Variants in CDKL1 observed in about 807,000 individuals in gnomAD.
The protein encoded by CDKL1 is cyclin-dependent kinase-like 1.
In CDKL1, 41 loss-of-function variants were observed where a neutral mutation model predicts 42.0. The ratio of observed to expected loss-of-function variants is 0.98; its 90% CI spans 0.76 to 1.27. CDKL1 has a LOEUF of 1.27. Ranked by LOEUF, CDKL1 falls within the 50% of genes most tolerant of loss-of-function variation. The pLI, the probability that CDKL1 is intolerant of heterozygous loss-of-function variation, is 0.00. For missense variants in CDKL1, 394 were observed against 428.4 expected (o/e 0.92, Z 0.71); for synonymous variants, 153 against 158.6 (o/e 0.96, Z 0.26).
In CDKL1 at chr14:50,332,244, A is replaced by G; in HGVS notation, c.966+18T>C. The G allele has an allele frequency of 6.2e-7, 1 of 1,614,154 alleles. No individual in the cohort carries two copies. Among genetic ancestry groups the G allele is most frequent in the African/African-American group, 1.3e-5 (1 of 75,050 alleles). ...CTCTGTACCAGGTGGCAGGTAGGAG[A>G]TCATTTCAAATTATAACCTTGGATG... On this transcript the variant is annotated intron_variant, in intron 9 of 9. Transcript: ENST00000395834.
intron 2 of CDKL1, among the ~76,000 whole-genome samples, chr14:50,380,802 C>CTTTTTTTTTTTTTTT (rs1555344287): frequency 3.0e-5 from 4 of 134,636 alleles, no homozygotes; most frequent in Non-Finnish European, 4.8e-5. Context: ...CTGTGACTTC[C>CTTTTTTTTTTTTTTT]TTTTTTTTTT....
chr14:50,341,697 C>A (rs964775583), intron 5 of CDKL1, among the ~76,000 whole-genome samples: 32 of 151,896 alleles, frequency 2.1e-4, no homozygotes, highest in African/African-American at 6.5e-4. Context: ...GGGAGGATCA[C>A]CTGAACTGGG....
chr14:50,337,328 CTTT>C (rs545014608), intron 7 of CDKL1, among the ~76,000 whole-genome samples: 2 of 138,948 alleles, frequency 1.4e-5, no homozygotes, highest in Non-Finnish European at 1.6e-5. Context: ...TTATAACCGT[CTTT>C]TTTTTTTTTT....
chr14:50,377,554 A>C, intron 2 of CDKL1: 1 of 1,323,396 alleles, frequency 7.6e-7, no homozygotes, highest in Non-Finnish European at 1.0e-6. Flanking sequence ...AAGTGGCCTT[A>C]GCTAGCAGGC....
At chr14:50,356,246 A>G (rs2034053525) in intron 3 of CDKL1, among the ~76,000 whole-genome samples, 1 of 152,198 alleles carries the variant, frequency 6.6e-6, no homozygotes, top group South Asian at 2.1e-4. Context: ...GTACTTGATT[A>G]TCAATTCATA....
chr14:50,381,907 G>A (rs187406394), intron 2 of CDKL1, among the ~76,000 whole-genome samples: 38 of 152,220 alleles, frequency 2.5e-4, no homozygotes, highest in African/African-American at 8.9e-4. Context: ...CAAAGCGCTG[G>A]AATCACAGGA....
intron 9 of CDKL1, chr14:50,331,252 A>G (rs1426245915): frequency 6.6e-6 from 1 of 152,190 alleles, no homozygotes; most frequent in Non-Finnish European, 1.5e-5. Context: ...CAATACACCA[A>G]ATAGTGGAGT....
chr14:50,346,526 T>A (rs572340755), intron 3 of CDKL1, among the ~76,000 whole-genome samples: 1 of 152,106 alleles, frequency 6.6e-6, no homozygotes, highest in South Asian at 2.1e-4. Context: ...AGTGGTGCTA[T>A]CATAGCTCAC....
At chr14:50,348,467 G>A (rs2033798954) in intron 3 of CDKL1, among the ~76,000 whole-genome samples, 2 of 152,136 alleles carry the variant, frequency 1.3e-5, no homozygotes, top group Admixed American at 6.5e-5. Flanking sequence ...CTGAAAACAG[G>A]GGATTAAAGG....
chr14:50,357,713 A>C (rs1202823717), intron 3 of CDKL1, among the ~76,000 whole-genome samples: 1 of 152,232 alleles, frequency 6.6e-6, no homozygotes, highest in Non-Finnish European at 1.5e-5. Flanking sequence ...GAGCTGAGCC[A>C]ATCGGAGTTC....
intron 4 of CDKL1, among the ~76,000 whole-genome samples, chr14:50,344,484 T>C (rs2033664000): frequency 6.6e-6 from 1 of 150,696 alleles, no homozygotes; most frequent in South Asian, 2.1e-4. Flanking sequence ...TTTTTTTTTT[T>C]TTTGAGACAG....
At chr14:50,369,075 C>T (rs1170284166) in intron 2 of CDKL1, among the ~76,000 whole-genome samples, 1 of 152,042 alleles carries the variant, frequency 6.6e-6, no homozygotes, top group African/African-American at 2.4e-5. Flanking sequence ...CCATGTTGGC[C>T]AGGCTGATCT....
chr14:50,334,761 A>G (rs1271243669), intron 7 of CDKL1, 140 bp from the exon 8 acceptor site: 4 of 633,518 alleles, frequency 6.3e-6, no homozygotes, highest in Non-Finnish European at 1.1e-5. Flanking sequence ...TCCTGCCCAA[A>G]ACAGTCTCCC....
At chr14:50,349,332 G>C (rs901199065) in intron 3 of CDKL1, among the ~76,000 whole-genome samples, 1 of 152,154 alleles carries the variant, frequency 6.6e-6, no homozygotes, top group East Asian at 1.9e-4. Flanking sequence ...AGCATGTGAG[G>C]GCAAGGTCTC....
chr14:50,380,113 T>C (rs1250881681), intron 2 of CDKL1: 1 of 518,022 alleles, frequency 1.9e-6, no homozygotes, highest in Admixed American at 2.1e-5. Flanking sequence ...ACCCTCACAT[T>C]GGTTCTATGA....
At chr14:50,338,278 A>G (rs2033382139) in intron 7 of CDKL1, among the ~76,000 whole-genome samples, 2 of 152,046 alleles carry the variant, frequency 1.3e-5, no homozygotes, top group Non-Finnish European at 2.9e-5. Flanking sequence ...GCTGGAGTAC[A>G]GTGGTGTGGT....
At position 50,327,364 on chromosome 14, in the gene CDKL1, A is replaced by T; in HGVS notation, c.*2710T>A. 6.6e-6 allele frequency: 1 copy of T among 151,698 alleles called. No homozygotes were observed. The highest frequency in any genetic ancestry group is 6.6e-5 in the Admixed American group (1 of 15,230). 9.4% of individuals were successfully genotyped at this position (151,698 alleles called of 1,614,324 possible). ...AAAAAAAAAAAAGTGAAAAATAGAT[A>T]AAACAGGTCTTCATTGTTACCTGTG... On this transcript the variant is annotated 3_prime_UTR_variant, in exon 10 of 10. Coordinates refer to ENST00000395834, the MANE Select transcript of CDKL1 (RefSeq NM_004196.7).
At chr14:50,363,234 G>T in intron 2 of CDKL1, 1 of 193,934 alleles carries the variant, frequency 5.2e-6, no homozygotes, top group Admixed American at 5.4e-5. Context: ...GAGAGTCTGT[G>T]GCTTCATTCT....
chr14:50,330,421 GA>G (rs1327994807), intron 9 of CDKL1: 2 of 416,160 alleles, frequency 4.8e-6, no homozygotes, highest in Non-Finnish European at 8.3e-6. Context: ...ATGAAAAGGG[GA>G]AAATCTACAT....
Sources: gnomAD v4.1 joint callset for allele counts (sites outside exome capture counted in the v4.1 genomes callset) on GRCh38, gnomAD v4.1.1 for gene constraint, MANE v1.5 for transcripts, NCBI Gene and HGNC (gene_info 2026-07-23, HGNC 2026-07-21) for gene names.